UBE2E2: variants seen among roughly 807,000 people sequenced by gnomAD.
UBE2E2 encodes the protein ubiquitin conjugating enzyme E2 E2.
UBE2E2 carries 6 observed loss-of-function variants against 24.7 expected under a neutral mutation model. The ratio of observed to expected loss-of-function variants is 0.24; its 90% CI spans 0.13 to 0.48. The LOEUF is 0.48. UBE2E2 is among the 20% of genes least tolerant of loss of function. UBE2E2 has a pLI of 0.99. For synonymous variants in UBE2E2, 104 were observed against 83.6 expected (o/e 1.24, Z -1.33); for missense variants, 169 against 245.0 (o/e 0.69, Z 2.07).
chr3:23,333,465 A>T (rs1246204409), intron 3 of UBE2E2, among the ~76,000 whole-genome samples: 1 of 152,154 alleles, frequency 6.6e-6, no homozygotes, highest in Non-Finnish European at 1.5e-5. Context: ...CCTCAGGGAC[A>T]GGTTTTCCTC....
At chr3:23,340,089 G>A (rs184549290) in intron 3 of UBE2E2, among the ~76,000 whole-genome samples, 1 of 152,108 alleles carries the variant, frequency 6.6e-6, no homozygotes, top group Admixed American at 6.5e-5. Context: ...CAGGACCTAC[G>A]TAGTTAACCT....
chr3:23,272,530 C>T (rs565987590), intron 3 of UBE2E2, among the ~76,000 whole-genome samples: 29 of 152,148 alleles, frequency 1.9e-4, no homozygotes, highest in Non-Finnish European at 3.7e-4. Flanking sequence ...TGAGAGCGAG[C>T]GAGGGCCGCC....
chr3:23,356,155 C>G (rs185172037), intron 3 of UBE2E2, among the ~76,000 whole-genome samples: 15 of 152,312 alleles, frequency 9.8e-5, no homozygotes, highest in Admixed American at 2.0e-4. Context: ...GACAAGCAGT[C>G]TGGACCTTAC....
intron 2 of UBE2E2, among the ~76,000 whole-genome samples, chr3:23,211,580 G>C (rs1430562287): frequency 6.6e-6 from 1 of 151,708 alleles, no homozygotes; most frequent in African/African-American, 2.4e-5. Flanking sequence ...TTTTTTGTAG[G>C]GATGGGAGTC....
intron 3 of UBE2E2, among the ~76,000 whole-genome samples, chr3:23,278,565 A>G (rs1292131870): frequency 1.3e-5 from 2 of 152,172 alleles, no homozygotes; most frequent in African/African-American, 2.4e-5. Context: ...TATAATAAAC[A>G]TATCTATTTA....
chr3:23,559,802 A>G (rs976863842), intron 5 of UBE2E2, among the ~76,000 whole-genome samples: 1 of 152,192 alleles, frequency 6.6e-6, no homozygotes, highest in Non-Finnish European at 1.5e-5. Context: ...TTCTTTTGTT[A>G]TCTTTATAGG....
intron 3 of UBE2E2, among the ~76,000 whole-genome samples, chr3:23,366,873 A>G (rs1237514707): frequency 6.6e-6 from 1 of 152,232 alleles, no homozygotes; most frequent in East Asian, 1.9e-4. Flanking sequence ...TCAATTAAGA[A>G]AATTTGTATA....
At chr3:23,295,963 T>C (rs567911503) in intron 3 of UBE2E2, among the ~76,000 whole-genome samples, 2 of 152,340 alleles carry the variant, frequency 1.3e-5, no homozygotes, top group Admixed American at 1.3e-4. Flanking sequence ...TAAATAAACA[T>C]GACCATAGGC....
chr3:23,203,123 G>A (rs1459204320), upstream of UBE2E2: 2 of 983,168 alleles, frequency 2.0e-6, no homozygotes, highest in Non-Finnish European at 2.4e-6. Context: ...TGCGCGCGCG[G>A]ACGGCCGGGC....
At chr3:23,223,016 C>CCG in intron 3 of UBE2E2, among the ~76,000 whole-genome samples, 1 of 58,138 alleles carries the variant, frequency 1.7e-5, no homozygotes, top group African/African-American at 8.2e-5. Context: ...CATCTTTTGC[C>CCG]CCCCCCCCCT....
intron 3 of UBE2E2, among the ~76,000 whole-genome samples, chr3:23,468,482 A>G (rs1698969738): frequency 6.6e-6 from 1 of 152,246 alleles, no homozygotes; most frequent in African/African-American, 2.4e-5. Context: ...AAAGCCCAAA[A>G]CATTCTGATA....
At position 23,557,837 on chromosome 3, in the gene UBE2E2, T is replaced by C. The variant is rs1695827166; in HGVS notation, c.508+25136T>C. Among the ~76,000 whole-genome samples the C allele has an allele frequency of 2.0e-5, 3 of 152,230 alleles. No individual in the cohort carries two copies. The South Asian group carries it at 6.2e-4, about 31-fold the overall frequency. On this transcript the variant is annotated intron_variant, in intron 5 of 5. Transcript: ENST00000396703. ...CTTTATCAGCAAGTCACTCTGTCACTGTATTTTAATATCCTCTTGTCCACA... is the reference window on the plus strand; with the variant it reads ...CTTTATCAGCAAGTCACTCTGTCACCGTATTTTAATATCCTCTTGTCCACA...
At chr3:23,461,932 CT>C (rs1450417819) in intron 3 of UBE2E2, among the ~76,000 whole-genome samples, 2 of 152,046 alleles carry the variant, frequency 1.3e-5, no homozygotes, top group Admixed American at 1.3e-4. Context: ...TTTTCATGTA[CT>C]GTATAGGGTT....
chr3:23,559,545 A>G (rs946794690), intron 5 of UBE2E2, among the ~76,000 whole-genome samples: 29 of 152,350 alleles, frequency 1.9e-4, no homozygotes, highest in African/African-American at 6.7e-4. Flanking sequence ...GAAATAAAAG[A>G]TAGTCATGTT....
At chr3:23,550,247 G>A (rs965187810) in intron 5 of UBE2E2, among the ~76,000 whole-genome samples, 8 of 152,004 alleles carry the variant, frequency 5.3e-5, no homozygotes, top group African/African-American at 1.9e-4. Context: ...ATTATCTTCT[G>A]TCATCTATAA....
chr3:23,435,085 A>T (rs1281155854), intron 3 of UBE2E2, among the ~76,000 whole-genome samples: 2 of 152,148 alleles, frequency 1.3e-5, no homozygotes, highest in East Asian at 3.8e-4. Flanking sequence ...GATGTCTAGT[A>T]AATAAGCCAG....
intron 3 of UBE2E2, among the ~76,000 whole-genome samples, chr3:23,304,296 C>T (rs1039196370): frequency 5.3e-5 from 8 of 152,030 alleles, no homozygotes; most frequent in Non-Finnish European, 8.8e-5. Context: ...TGTCAAAAAC[C>T]ACTGTTTTTT....
chr3:23,426,424 A>C (rs1479881384), intron 3 of UBE2E2, among the ~76,000 whole-genome samples: 1 of 151,956 alleles, frequency 6.6e-6, no homozygotes, highest in Non-Finnish European at 1.5e-5. Context: ...ATGCAAAAAA[A>C]AAAAAAAAAA....
chr3:23,334,421 G>A (rs936807948), intron 3 of UBE2E2, among the ~76,000 whole-genome samples: 1 of 152,048 alleles, frequency 6.6e-6, no homozygotes, highest in African/African-American at 2.4e-5. Flanking sequence ...GTGTGTAAAC[G>A]TCCTACAACT....
Sources: allele counts gnomAD v4.1 joint callset (sites outside exome capture counted in the v4.1 genomes callset), GRCh38; gene constraint gnomAD v4.1.1; transcripts MANE v1.5; gene names NCBI Gene and HGNC (gene_info 2026-07-23, HGNC 2026-07-21).